CPLX2: variants seen among roughly 807,000 people sequenced by gnomAD.
CPLX2 encodes the protein complexin 2, also known as complexin-2.
In CPLX2, 5 loss-of-function variants were observed where a neutral mutation model predicts 16.3. The ratio of observed to expected loss-of-function variants is 0.31; its 90% CI spans 0.16 to 0.64. The LOEUF (loss-of-function observed/expected upper bound fraction) is 0.64. CPLX2 is among the 30% of genes least tolerant of loss of function. The pLI is 0.79. For missense variants in CPLX2, 144 were observed against 181.4 expected, an observed-to-expected ratio of 0.79 and a Z score of 1.18; for synonymous variants, 89 against 73.2, an observed-to-expected ratio of 1.22 and a Z score of -1.10.
chr5:175,826,526 G>T (rs993086621), intron 2 of CPLX2, among the ~76,000 whole-genome samples: 2 of 152,302 alleles, frequency 1.3e-5, no homozygotes, highest in East Asian at 3.9e-4. Flanking sequence ...AAGCAAAAGC[G>T]ATAGGCCAGC....
At chr5:175,866,726 G>A (rs1385811152), upstream of CPLX2, among the ~76,000 whole-genome samples, 1 of 152,148 alleles carries the variant, frequency 6.6e-6, no homozygotes, top group African/African-American at 2.4e-5. Flanking sequence ...TGGACTCCAT[G>A]CACGACCAAT....
In CPLX2 at chr5:175,879,965, G is replaced by C; in HGVS notation, c.325G>C (p.Glu109Gln). The change falls in exon 4 of 4, where the codon GAG becomes CAG. Residue 109 changes from glutamate to glutamine, a missense_variant. Transcript: ENST00000393745. Reference protein sequence around the residue: ...KAIPAGCGDEEEEEEESILDT... With the variant: ...KAIPAGCGDEQEEEEESILDT... The stretch of plus-strand genomic sequence containing the variant: ...CATCCCTGCGGGCTGCGGGGACGAG[G>C]AGGAGGAGGAAGAGGAGAGCATCCT... 6.2e-7 allele frequency: 1 copy of C among 1,614,008 alleles called. No homozygotes were observed. The highest frequency in any genetic ancestry group is 8.5e-7 in the Non-Finnish European group (1 of 1,179,960).
At chr5:175,860,581 GGGAGGGAAGGAAGGAA>G (rs1335814455) in intron 2 of CPLX2, among the ~76,000 whole-genome samples, 27 of 78,562 alleles carry the variant, frequency 3.4e-4, no homozygotes, top group East Asian at 2.3e-3. Context: ...GAGGGAGGGA[GGGAGGGAAGGAAGGAA>G]GGAAGGAAGG....
At chr5:175,866,249 T>A (rs1027353246) in intron 2 of CPLX2, among the ~76,000 whole-genome samples, 1 of 152,144 alleles carries the variant, frequency 6.6e-6, no homozygotes, top group African/African-American at 2.4e-5. Flanking sequence ...ATTGGCTAGC[T>A]CTAGGGAGAG....
At position 175,814,850 on chromosome 5, in the gene CPLX2, C is replaced by T. The variant is rs547332181; in HGVS notation, c.-89+5782C>T. ...CCGCTTTTTTCCTCCTTGCATCACT[C>T]GGCTCATGAGTCACAGCCCCAGGAG... On this transcript the variant is annotated intron_variant, in intron 2 of 4. Transcript: ENST00000359546. 2.1e-4 allele frequency among the ~76,000 whole-genome samples: 32 copies of T among 152,254 alleles called. No homozygotes were observed. The South Asian group carries it at 6.0e-3, about 29-fold the overall frequency.
At chr5:175,836,068 A>G (rs1230575057) in intron 2 of CPLX2, among the ~76,000 whole-genome samples, 1 of 152,068 alleles carries the variant, frequency 6.6e-6, no homozygotes, top group Non-Finnish European at 1.5e-5. Context: ...TCAACTGACT[A>G]GGCCAGGCGC....
At position 175,880,116 on chromosome 5, in the gene CPLX2, G is replaced by T. The variant is rs750956015; in HGVS notation, c.*71G>T. On this transcript the variant is annotated 3_prime_UTR_variant, in exon 4 of 4. Coordinates refer to ENST00000393745, the MANE Select transcript of CPLX2 (RefSeq NM_001008220.2). ...TGGTTCTTTCTTTTCTTTTTATTAG[G>T]TTAAGTCTCAATTCTGAAGGGGAAA... 135 of 1,507,972 alleles carry T rather than the reference G, an allele frequency of 9.0e-5. No individual in the cohort carries two copies. The African/African-American group carries it at 1.8e-3, about 20-fold the overall frequency. The allele number at this position is 1,507,972 out of a possible 1,614,324, so 93.4% of individuals were successfully genotyped here. A position where few individuals can be genotyped will look rare whatever the true frequency, so the allele number is the denominator to read the frequency against.
Position 175,880,284 on chromosome 5 carries a change from G to A in CPLX2, c.*239G>A, listed in dbSNP as rs1196412214. 1 of 604,540 alleles carries A rather than the reference G, an allele frequency of 1.7e-6. No individual in the cohort carries two copies. 37.4% of individuals were successfully genotyped at this position (604,540 alleles called of 1,614,324 possible). ...AAGGGAGGACAGTCTTTCCCCAGCA[G>A]GGGTCAGGGGGGCCCCTCAGGAAGC... On this transcript the variant is annotated 3_prime_UTR_variant, in exon 4 of 4. Coordinates refer to ENST00000393745, the MANE Select transcript of CPLX2 (RefSeq NM_001008220.2).
intron 1 of CPLX2, among the ~76,000 whole-genome samples, chr5:175,803,386 T>C (rs933922169): frequency 6.6e-6 from 1 of 152,136 alleles, no homozygotes; most frequent in African/African-American, 2.4e-5. Context: ...CCAAGTCATA[T>C]AAATACTAGG....
chr5:175,799,319 GA>G (rs1386867882), intron 1 of CPLX2, among the ~76,000 whole-genome samples: 1 of 152,032 alleles, frequency 6.6e-6, no homozygotes, highest in Non-Finnish European at 1.5e-5. Context: ...AAATGAGGAA[GA>G]GGGGGTAAAA....
Position 175,845,835 on chromosome 5 carries a change from T to C in CPLX2, c.-88-32817T>C, listed in dbSNP as rs1019908797. On this transcript the variant is annotated intron_variant, in intron 2 of 4. Transcript: ENST00000359546. The surrounding 1 kb of genome is among the most constrained non-coding windows in gnomAD (Gnocchi z 4.0). ...TTGGGCTGCTAAGGGCAAAGTTTTC[T>C]CCTAGAATCCCAGGACTTTGAGGGA... 2.6e-5 allele frequency among the ~76,000 whole-genome samples: 4 copies of C among 152,122 alleles called. No individual in the cohort carries two copies. Among genetic ancestry groups the C allele is most frequent in the African/African-American group, 9.7e-5 (4 of 41,396 alleles).
chr5:175,825,570 T>TAC (rs1012058571), intron 2 of CPLX2, among the ~76,000 whole-genome samples: 4 of 152,178 alleles, frequency 2.6e-5, no homozygotes, highest in African/African-American at 9.7e-5. Context: ...AGGAAAACTT[T>TAC]ACCCTGTTCT....
At chr5:175,826,884 G>T (rs1034019222) in intron 2 of CPLX2, among the ~76,000 whole-genome samples, 8 of 152,148 alleles carry the variant, frequency 5.3e-5, no homozygotes, top group African/African-American at 1.9e-4. Context: ...GCAAAAGGGG[G>T]AATGTGTTTG....
At chr5:175,843,029 G>A (rs1758974553) in intron 2 of CPLX2, among the ~76,000 whole-genome samples, 1 of 152,222 alleles carries the variant, frequency 6.6e-6, no homozygotes, top group African/African-American at 2.4e-5. Context: ...CCCCCAGGCT[G>A]AGCTAGGATT....
intron 2 of CPLX2, among the ~76,000 whole-genome samples, chr5:175,850,652 A>T (rs1311355064): frequency 6.6e-6 from 1 of 152,220 alleles, no homozygotes; most frequent in Admixed American, 6.5e-5. Context: ...CTGCAGGGGA[A>T]GTCTGTCTGA....
intron 2 of CPLX2, among the ~76,000 whole-genome samples, chr5:175,826,220 G>A (rs775021849): frequency 3.4e-4 from 51 of 152,130 alleles, no homozygotes; most frequent in Admixed American, 5.9e-4. Flanking sequence ...CTCAGAAGAC[G>A]GACCTTTGAG....
At chr5:175,857,913 C>T (rs1436860365) in intron 2 of CPLX2, among the ~76,000 whole-genome samples, 3 of 152,236 alleles carry the variant, frequency 2.0e-5, no homozygotes, top group African/African-American at 7.2e-5. Flanking sequence ...CTGGTCTCTG[C>T]CAGACATGGG....
At chr5:175,801,116 T>G (rs957270084) in intron 1 of CPLX2, among the ~76,000 whole-genome samples, 1 of 148,958 alleles carries the variant, frequency 6.7e-6, no homozygotes, top group African/African-American at 2.5e-5. Flanking sequence ...GCTTTTATTC[T>G]AAATGTAATA....
chr5:175,874,975 G>GGGGA (rs1477259437), intron 1 of CPLX2, among the ~76,000 whole-genome samples: 1 of 152,206 alleles, frequency 6.6e-6, no homozygotes, highest in Non-Finnish European at 1.5e-5. Flanking sequence ...GAAAAGGTGG[G>GGGGA]GGGAGGGAGT....
Sources: gnomAD v4.1 joint callset for allele counts (sites outside exome capture counted in the v4.1 genomes callset) on GRCh38, gnomAD v4.1.1 for gene constraint, Gnocchi (gnomAD v3.1) non-coding constraint, MANE v1.5 for transcripts, NCBI Gene and HGNC (gene_info 2026-07-23, HGNC 2026-07-21) for gene names.